Variants in CRB2 observed in about 807,000 individuals in gnomAD.
CRB2 encodes the protein crumbs cell polarity complex component 2.
CRB2 carries 85 observed loss-of-function variants against 110.9 expected under a neutral mutation model. That is an observed-to-expected ratio of 0.77 (90% CI 0.64 to 0.92). The LOEUF is 0.92. Among genes scored for constraint, CRB2 ranks in the 40% least tolerant of loss-of-function variants. CRB2 has a pLI of 0.00. For synonymous variants in CRB2, 907 were observed against 831.0 expected (o/e 1.09, Z -1.57); for missense variants, 1,843 against 1,851.3 (o/e 1.00, Z 0.08).
At position 123,373,810 on chromosome 9, in the gene CRB2, C is replaced by A; in HGVS notation, c.3279C>A (p.Ala1093=). Residue 1093 remains alanine (A), a synonymous_variant, in exon 10 of 13, where the codon GCC becomes GCA. Coordinates refer to ENST00000373631, the MANE Select transcript of CRB2 (RefSeq NM_173689.7). ...GPGWEGPRCE[A]HVDPCHSAPC... Reference sequence around the variant, plus strand: ...GGTGGGAAGGCCCGCGCTGCGAAGCCCACGTCGACCCCTGTCACTCCGCCC... The same window carrying A: ...GGTGGGAAGGCCCGCGCTGCGAAGCACACGTCGACCCCTGTCACTCCGCCC... 2 of 1,586,824 alleles carry A rather than the reference C, an allele frequency of 1.3e-6. No homozygotes were observed.
chr9:123,365,413 C>T (rs942920003), intron 2 of CRB2, among the ~76,000 whole-genome samples: 4 of 152,164 alleles, frequency 2.6e-5, no homozygotes, highest in Admixed American at 6.5e-5. Context: ...CCTCCGCCAC[C>T]CTCTCCCTTG....
At chr9:123,371,713 G>A (rs1234111441) in intron 8 of CRB2, 135 bp downstream of exon 8, 4 of 1,230,648 alleles carry the variant, frequency 3.3e-6, no homozygotes, top group Non-Finnish European at 4.6e-6. Context: ...ACCTGCCCAG[G>A]GTCCCACTAC....
At chr9:123,380,046 A>G (rs1274718894), downstream of CRB2, 1 of 152,296 alleles carries the variant, frequency 6.6e-6, no homozygotes, top group Non-Finnish European at 1.5e-5. Context: ...GAGCATGTGC[A>G]GCAGTGGCAG....
At chr9:123,359,449 T>TG (rs2041841005) in intron 1 of CRB2, among the ~76,000 whole-genome samples, 1 of 132,084 alleles carries the variant, frequency 7.6e-6, no homozygotes, top group African/African-American at 2.9e-5. Context: ...TTGTTTTTTT[T>TG]TTTTTTTTTT....
Position 123,366,230 on chromosome 9 carries a change from C to T in CRB2, c.618C>T (p.Phe206=), listed in dbSNP as rs1044320885. The T allele has an allele frequency of 4.1e-6, 6 of 1,461,342 alleles. No homozygotes were observed. The highest frequency in any genetic ancestry group is 5.4e-6 in the Non-Finnish European group (6 of 1,116,288). The allele number at this position is 1,461,342 out of a possible 1,614,324, so 90.5% of individuals were successfully genotyped here. A position where few individuals can be genotyped will look rare whatever the true frequency, so the allele number is the denominator to read the frequency against. The change falls in exon 4 of 13, where the codon TTC becomes TTT. Residue 206 remains phenylalanine (F), a synonymous_variant. Transcript: ENST00000373631. The stretch of plus-strand genomic sequence containing the variant: ...TCCGCCGGTGCGCCCTCCCCAGGTT[C>T]CGGTGCGACTGCGCGGGCACCGGCT... ...GGTCHDLVNG[F]RCDCAGTGYE...
intron 12 of CRB2, among the ~76,000 whole-genome samples, chr9:123,376,092 G>C (rs1036979086): frequency 2.1e-4 from 32 of 152,284 alleles, no homozygotes; most frequent in African/African-American, 7.7e-4. Flanking sequence ...CCCCAGGGCA[G>C]GGGGAGGAAA....
At chr9:123,365,815 A>G in intron 2 of CRB2, 102 bp from the exon 3 acceptor site, 1 of 1,074,754 alleles carries the variant, frequency 9.3e-7, no homozygotes, top group Non-Finnish European at 1.3e-6. Flanking sequence ...CTCTGAATGA[A>G]TGAATCCACG....
chr9:123,372,052 C>T, intron 8 of CRB2, 125 bp from the exon 9 acceptor site: 2 of 957,786 alleles, frequency 2.1e-6, no homozygotes, highest in South Asian at 1.6e-5. Context: ...GACTTCCTCT[C>T]CCCTCGTTTG....
chr9:123,373,088 G>A (rs1461061290), intron 9 of CRB2, 46 bp from the exon 10 acceptor site: 15 of 1,415,008 alleles, frequency 1.1e-5, no homozygotes, highest in Non-Finnish European at 1.3e-5. Context: ...TGGCATTTCT[G>A]GAGAAGGCTC....
Position 123,356,317 on chromosome 9 carries a change from A to G in CRB2, c.57A>G (p.Leu19=), listed in dbSNP as rs527302186. ...CCCAGGCCCTGGCCTCTGTCCTGCT[A>G]CTGCTGCTCTGGGCCCCTGCCCTTT... ...PDPQALASVL[L]LLLWAPALSL... The change falls in exon 1 of 13, where the codon CTA becomes CTG. Residue 19 remains leucine, a synonymous_variant. Transcript: ENST00000373631. 1 of 1,547,292 alleles carries G rather than the reference A, an allele frequency of 6.5e-7. No individual in the cohort carries two copies. Among genetic ancestry groups the G allele is most frequent in the South Asian group, 1.2e-5 (1 of 83,742 alleles).
chr9:123,377,198 G>T lies in CRB2; in HGVS notation c.*136G>T. On this transcript the variant is annotated 3_prime_UTR_variant, in exon 13 of 13. Coordinates refer to ENST00000373631, the MANE Select transcript of CRB2 (RefSeq NM_173689.7). Reference sequence around the variant, plus strand: ...GCTGGCAGCCTCTGCCTCTGCCTCTGCCCCATCCTGGATGGAGGACGAGGG... The same window carrying T: ...GCTGGCAGCCTCTGCCTCTGCCTCTTCCCCATCCTGGATGGAGGACGAGGG... 1 of 812,456 alleles carries T rather than the reference G, an allele frequency of 1.2e-6. No homozygotes were observed. Among genetic ancestry groups the T allele is most frequent in the Non-Finnish European group, 1.9e-6 (1 of 530,868 alleles). 50.3% of individuals were successfully genotyped at this position (812,456 alleles called of 1,614,324 possible).
chr9:123,362,943 G>C lies in CRB2; in HGVS notation c.173G>C (p.Ser58Thr), dbSNP rs761776501. 1 of 1,606,862 alleles carries C rather than the reference G, an allele frequency of 6.2e-7. No individual in the cohort carries two copies. The highest frequency in any genetic ancestry group is 2.2e-5 in the East Asian group (1 of 44,682). The change falls in exon 2 of 13, where the codon AGT becomes ACT. Residue 58 changes from serine (S) to threonine (T), a missense_variant. Ser to Thr is a moderately conservative substitution (Grantham distance 58). Transcript: ENST00000373631. ...APGTECQATESGGYTCGPMEP... is the reference protein window; with the variant it reads ...APGTECQATETGGYTCGPMEP... ...GGGACCGAGTGCCAGGCTACCGAGA[G>C]TGGTGGCTATACCTGTGGGCCCATG...
Position 123,365,987 on chromosome 9 carries a change from C to T in CRB2, c.489C>T (p.Asp163=), listed in dbSNP as rs761068348. Residue 163 remains aspartate (D), a synonymous_variant, in exon 3 of 13, where the codon GAC becomes GAT. Coordinates refer to ENST00000373631, the MANE Select transcript of CRB2 (RefSeq NM_173689.7). ...GCCTGCACGGGGGCTCGTGCCTGGA[C>T]GGCGTGGGCTCCTTCCGCTGTGTGT... ...APCLHGGSCL[D]GVGSFRCVCA... 33 of 1,596,986 alleles carry T rather than the reference C, an allele frequency of 2.1e-5. No homozygotes were observed. Among genetic ancestry groups the T allele is most frequent in the Non-Finnish European group, 2.4e-5 (28 of 1,178,886 alleles).
In CRB2 at chr9:123,373,441, C is replaced by T. The variant is rs1381256757; in HGVS notation, c.2910C>T (p.Thr970=). The T allele has an allele frequency of 1.4e-6, 2 of 1,449,662 alleles. No individual in the cohort carries two copies. Among genetic ancestry groups the T allele is most frequent in the Non-Finnish European group, 1.8e-6 (2 of 1,107,684 alleles). The allele number at this position is 1,449,662 out of a possible 1,614,324, so 89.8% of individuals were successfully genotyped here. ...RLAMERPAAT[T]SRWLLWLDGA... is the part of the protein sequence containing the mutation. ...CCATGGAGCGCCCGGCGGCCACCACCTCGCGCTGGCTGCTGTGGCTGGATG... is the reference window on the plus strand; with the variant it reads ...CCATGGAGCGCCCGGCGGCCACCACTTCGCGCTGGCTGCTGTGGCTGGATG... Residue 970 remains threonine (T), a synonymous_variant, in exon 10 of 13, where the codon ACC becomes ACT. Coordinates refer to ENST00000373631, the MANE Select transcript of CRB2 (RefSeq NM_173689.7).
At chr9:123,368,792 C>G (rs1205489455) in intron 6 of CRB2, 30 of 1,188,912 alleles carry the variant, frequency 2.5e-5, no homozygotes, top group Non-Finnish European at 2.6e-5. Context: ...CCTGAGCAGG[C>G]TCCGAAGGAG....
upstream of CRB2, among the ~76,000 whole-genome samples, chr9:123,355,801 A>AGG (rs896166121): frequency 1.3e-5 from 2 of 150,074 alleles, no homozygotes; most frequent in African/African-American, 4.9e-5. Flanking sequence ...CTGGACTCGA[A>AGG]GGCCTGGGCT....
In CRB2 at chr9:123,373,032, C is replaced by T. The variant is rs111449876; in HGVS notation, c.2603-102C>T. 7.1e-4 allele frequency: 745 copies of T among 1,044,146 alleles called. 8 individuals are homozygous for T. The African/African-American group carries it at 0.011, about 16-fold the overall frequency. 64.7% of individuals were successfully genotyped at this position (1,044,146 alleles called of 1,614,324 possible). Reference sequence around the variant, plus strand: ...ATGATAGGTGGGTGCGTGTGCCCCACCCCAAGTAAGTGGCTGTCTGCCACT... The same window carrying T: ...ATGATAGGTGGGTGCGTGTGCCCCATCCCAAGTAAGTGGCTGTCTGCCACT... On this transcript the variant is annotated intron_variant, in intron 9 of 12. Coordinates refer to ENST00000373631, the MANE Select transcript of CRB2 (RefSeq NM_173689.7).
At chr9:123,367,447 C>G in intron 5 of CRB2, 90 bp downstream of exon 5, 1 of 279,888 alleles carries the variant, frequency 3.6e-6, no homozygotes, top group Non-Finnish European at 5.5e-6. Flanking sequence ...CACCCCCCCA[C>G]CCCACACCCC....
intron 6 of CRB2, among the ~76,000 whole-genome samples, chr9:123,369,269 C>T (rs1038758925): frequency 7.2e-5 from 11 of 152,190 alleles, no homozygotes; most frequent in Middle Eastern, 3.2e-3. Flanking sequence ...GGTACTTGCA[C>T]TACCCCACTA....
Sources: gnomAD v4.1 joint callset for allele counts (sites outside exome capture counted in the v4.1 genomes callset) on GRCh38, gnomAD v4.1.1 for gene constraint, MANE v1.5 for transcripts, NCBI Gene and HGNC (gene_info 2026-07-23, HGNC 2026-07-21) for gene names.